The following TMEM233 variants were observed in gnomAD, a reference collection of about 807,000 sequenced individuals.
TMEM233 encodes the protein dispanin subfamily B member 2.
Under a neutral mutation model 11.2 loss-of-function variants are expected in TMEM233, and 6 were observed. That is an observed-to-expected ratio of 0.54 (90% CI 0.29 to 1.06). The LOEUF is 1.06. TMEM233 is among the 50% of genes least tolerant of loss of function. The pLI, the probability that TMEM233 is intolerant of heterozygous loss-of-function variation, is 0.08. For synonymous variants in TMEM233, 59 were observed against 55.8 expected (o/e 1.06, Z -0.26); for missense variants, 127 against 144.7 (o/e 0.88, Z 0.63).
intron 1 of TMEM233, among the ~76,000 whole-genome samples, chr12:119,621,418 A>T (rs975804809): frequency 6.6e-6 from 1 of 152,110 alleles, no homozygotes; most frequent in East Asian, 1.9e-4. Context: ...CCTGGACTCA[A>T]GCGATCCTCC....
At chr12:119,616,003 G>T (rs925589275) in intron 1 of TMEM233, among the ~76,000 whole-genome samples, 12 of 152,120 alleles carry the variant, frequency 7.9e-5, no homozygotes, top group Admixed American at 2.0e-4. Flanking sequence ...CTTTCCCCCC[G>T]TGGGTATTTA....
chr12:119,637,538 C>T (rs1954989898), intron 2 of TMEM233, among the ~76,000 whole-genome samples: 1 of 152,158 alleles, frequency 6.6e-6, no homozygotes, highest in Non-Finnish European at 1.5e-5. Context: ...TGGAACTTGA[C>T]CTTTTTGCAA....
At chr12:119,599,148 G>A (rs761486577) in intron 1 of TMEM233, among the ~76,000 whole-genome samples, 15 of 152,302 alleles carry the variant, frequency 9.8e-5, no homozygotes, top group Middle Eastern at 3.4e-3. Context: ...TCGATTAATC[G>A]TGAAATATTG....
chr12:119,631,703 C>T (rs1488939792), intron 2 of TMEM233: 2 of 977,242 alleles, frequency 2.0e-6, no homozygotes, highest in Non-Finnish European at 2.4e-6. Flanking sequence ...TGGCACCAGA[C>T]TGCCTGGACC....
rs1017077004 is a variant in TMEM233 at position 119,640,904 on chromosome 12, G to A, written c.*199G>A. 1.9e-6 allele frequency: 1 copy of A among 525,192 alleles called. No individual in the cohort carries two copies. Among genetic ancestry groups the A allele is most frequent in the African/African-American group, 1.9e-5 (1 of 51,896 alleles). 32.5% of individuals were successfully genotyped at this position (525,192 alleles called of 1,614,324 possible). A position where few individuals can be genotyped will look rare whatever the true frequency, so the allele number is the denominator to read the frequency against. ...AAATTTAGGCAATCCAAGCTGCACA[G>A]CCGGATCAGCCAAAGTCATTGATTT... On this transcript the variant is annotated 3_prime_UTR_variant, in exon 3 of 3. Coordinates refer to ENST00000426426, the MANE Select transcript of TMEM233 (RefSeq NM_001136534.3).
chr12:119,599,394 T>C (rs1954113439), intron 1 of TMEM233, among the ~76,000 whole-genome samples: 1 of 152,090 alleles, frequency 6.6e-6, no homozygotes, highest in Non-Finnish European at 1.5e-5. Flanking sequence ...ACATCTCATG[T>C]ACCCCGTAAA....
intron 1 of TMEM233, among the ~76,000 whole-genome samples, chr12:119,598,733 A>G (rs771705963): frequency 3.3e-5 from 5 of 152,226 alleles, no homozygotes; most frequent in African/African-American, 4.8e-5. Context: ...ATTAAGGTTC[A>G]AATCCTTTTC....
chr12:119,601,897 G>C (rs7295362), intron 1 of TMEM233, among the ~76,000 whole-genome samples: 115,890 of 152,040 alleles, frequency 0.76, 44,296 homozygotes, highest in Middle Eastern at 0.86. Flanking sequence ...CACAGGATCC[G>C]GAAAAGGGAT....
chr12:119,647,123 T>A (rs1242612370), downstream of TMEM233, among the ~76,000 whole-genome samples: 2 of 152,176 alleles, frequency 1.3e-5, no homozygotes. Flanking sequence ...CTCAAACTTC[T>A]GGCCTCAAGC....
At chr12:119,651,662 C>CA in the TMEM233 span, among the ~76,000 whole-genome samples, 528 of 142,508 alleles carry the variant, frequency 3.7e-3, 5 homozygotes, top group Non-Finnish European at 5.4e-3. Context: ...ACTAAATATA[C>CA]AAAAAAAAAA....
At chr12:119,604,583 C>G (rs1379791358) in intron 1 of TMEM233, among the ~76,000 whole-genome samples, 1 of 152,074 alleles carries the variant, frequency 6.6e-6, no homozygotes, top group Non-Finnish European at 1.5e-5. Context: ...CCACCTCTCC[C>G]CCTTTCTTCC....
chr12:119,599,990 C>T (rs1170807781), intron 1 of TMEM233, among the ~76,000 whole-genome samples: 1 of 152,030 alleles, frequency 6.6e-6, no homozygotes, highest in Non-Finnish European at 1.5e-5. Flanking sequence ...AATTTCTCTC[C>T]AAGGATGTGA....
At chr12:119,596,487 C>CTTTTTTTTTTT (rs34129084) in intron 1 of TMEM233, among the ~76,000 whole-genome samples, 3 of 90,386 alleles carry the variant, frequency 3.3e-5, no homozygotes, top group Non-Finnish European at 5.9e-5. Context: ...AAGTTTGTAT[C>CTTTTTTTTTTT]TTTTTTTTTT....
intron 2 of TMEM233, chr12:119,631,830 T>G (rs1279438756): frequency 1.5e-5 from 3 of 204,246 alleles, no homozygotes; most frequent in Non-Finnish European, 2.6e-5. Flanking sequence ...TTCATAAAGC[T>G]ATTGTAAAGG....
intron 1 of TMEM233, among the ~76,000 whole-genome samples, chr12:119,613,703 T>C (rs1291162389): frequency 2.0e-5 from 3 of 152,154 alleles, no homozygotes; most frequent in Non-Finnish European, 4.4e-5. Context: ...TGGTCCCAGC[T>C]ACTCTGGAGG....
chr12:119,647,573 C>T (rs910676956), downstream of TMEM233, among the ~76,000 whole-genome samples: 1 of 152,160 alleles, frequency 6.6e-6, no homozygotes, highest in African/African-American at 2.4e-5. Context: ...ACTGCTCATT[C>T]TGGAGCATCT....
At chr12:119,652,694 C>T in the TMEM233 span, among the ~76,000 whole-genome samples, 3 of 152,194 alleles carry the variant, frequency 2.0e-5, no homozygotes, top group African/African-American at 7.2e-5. Context: ...ATAAACTCCC[C>T]TCAAATCCTT....
At chr12:119,626,038 GT>G (rs1444772744) in intron 1 of TMEM233, among the ~76,000 whole-genome samples, 3 of 152,260 alleles carry the variant, frequency 2.0e-5, no homozygotes, top group East Asian at 3.9e-4. Flanking sequence ...CTCCTGATGT[GT>G]TTGGGTGGGT....
At chr12:119,596,691 C>T (rs1954056100) in intron 1 of TMEM233, among the ~76,000 whole-genome samples, 1 of 151,918 alleles carries the variant, frequency 6.6e-6, no homozygotes, top group Non-Finnish European at 1.5e-5. Flanking sequence ...CAGGGTTTGA[C>T]CATGTTGCCC....
Sources: gnomAD v4.1 joint callset for allele counts (sites outside exome capture counted in the v4.1 genomes callset) on GRCh38, gnomAD v4.1.1 for gene constraint, MANE v1.5 for transcripts, NCBI Gene and HGNC (gene_info 2026-07-23, HGNC 2026-07-21) for gene names.